Variants in CDH4 observed in about 807,000 individuals in gnomAD.
The protein encoded by CDH4 is cadherin 4, also known as cadherin-4.
A neutral mutation model predicts 86.0 loss-of-function variants in CDH4; 33 were observed. That is an observed-to-expected ratio of 0.38 (90% CI 0.29 to 0.51). The LOEUF is 0.51. Among genes scored for constraint, CDH4 ranks in the 20% least tolerant of loss-of-function variants. The pLI, the probability that CDH4 is intolerant of heterozygous loss-of-function variation, is 0.86. For synonymous variants in CDH4, 555 were observed against 549.4 expected (o/e 1.01, Z -0.14); for missense variants, 1,114 against 1,307.4 (o/e 0.85, Z 2.28).
intron 2 of CDH4, among the ~76,000 whole-genome samples, chr20:61,284,806 A>AG (rs1487637236): frequency 6.6e-6 from 1 of 152,224 alleles, no homozygotes; most frequent in African/African-American, 2.4e-5. Context: ...TTTTTGTCAA[A>AG]GGCCAGATAG....
intron 2 of CDH4, among the ~76,000 whole-genome samples, chr20:61,268,440 C>T (rs956770078): frequency 2.0e-5 from 3 of 152,242 alleles, no homozygotes; most frequent in Admixed American, 6.5e-5. Flanking sequence ...TTCCTGATGC[C>T]GGGTTGGCTT....
At position 61,593,854 on chromosome 20, in the gene CDH4, G is replaced by A. The variant is rs186775213; in HGVS notation, c.170-149709G>A. On this transcript the variant is annotated intron_variant, in intron 2 of 15. Coordinates refer to ENST00000614565, the MANE Select transcript of CDH4 (RefSeq NM_001794.5). ...AGCTGTAACATTCGTTGAGGTGCGT[G>A]CTGCTCACCAAGGGTCCCCCCAGCA... Among the ~76,000 whole-genome samples the A allele has an allele frequency of 2.1e-4, 32 of 151,482 alleles. No individual in the cohort carries two copies. In the East Asian group the frequency reaches 5.2e-3, roughly 24 times the overall value.
intron 4 of CDH4, among the ~76,000 whole-genome samples, chr20:61,821,105 G>A (rs943257462): frequency 4.7e-5 from 6 of 127,466 alleles, no homozygotes; most frequent in African/African-American, 9.1e-5. Flanking sequence ...CCACTGTCCC[G>A]CTCCCTACCC....
intron 2 of CDH4, among the ~76,000 whole-genome samples, chr20:61,445,563 C>T (rs923583749): frequency 5.9e-5 from 9 of 152,112 alleles, no homozygotes; most frequent in Non-Finnish European, 1.5e-5. Context: ...CCTCCTCCCC[C>T]TCTCCCCTCC....
chr20:61,782,636 GAC>G (rs1465319126), intron 4 of CDH4, among the ~76,000 whole-genome samples: 1 of 152,100 alleles, frequency 6.6e-6, no homozygotes, highest in Non-Finnish European at 1.5e-5. Context: ...AACTAAGTAA[GAC>G]AACAGTTGGA....
chr20:61,652,483 G>A (rs1232948144), intron 2 of CDH4, among the ~76,000 whole-genome samples: 1 of 152,172 alleles, frequency 6.6e-6, no homozygotes, highest in African/African-American at 2.4e-5. Context: ...ATGACGGTTG[G>A]CTGAGTTATC....
intron 3 of CDH4, among the ~76,000 whole-genome samples, chr20:61,748,137 C>A (rs1033783403): frequency 3.4e-5 from 5 of 148,092 alleles, no homozygotes; most frequent in Admixed American, 2.7e-4. Context: ...TGAATGATTT[C>A]TTTTCTTTTT....
Position 61,269,883 on chromosome 20 carries a change from G to A in CDH4, c.169+14946G>A, listed in dbSNP as rs1033926175. 6.6e-6 allele frequency among the ~76,000 whole-genome samples: 1 copy of A among 152,174 alleles called. No individual in the cohort carries two copies. On this transcript the variant is annotated intron_variant, in intron 2 of 15. Coordinates refer to ENST00000614565, the MANE Select transcript of CDH4 (RefSeq NM_001794.5). This position sits in a 1 kb window ranked among gnomAD's most constrained non-coding sequence, Gnocchi z 5.3. ...GAGCCAGTGGTACTCATTTCCACAT[G>A]GCCCCGGCTGTTGACGATGACCTTA...
rs1230618032 is a variant in CDH4, at chr20:61,939,693, G to A, written c.*2750G>A. The A allele has an allele frequency of 6.6e-6, 1 of 152,318 alleles. No individual in the cohort carries two copies. The allele number at this position is 152,318 out of a possible 1,614,324, so 9.4% of individuals were successfully genotyped here. A position where few individuals can be genotyped will look rare whatever the true frequency, so the allele number is the denominator to read the frequency against. On this transcript the variant is annotated 3_prime_UTR_variant, in exon 16 of 16. Transcript: ENST00000614565. ...TCCCACTGGAGGCCGGGAGGCCAAT[G>A]CTGGCCAGGTGCGAGGGCATGGTTT...
chr20:61,271,685 T>C (rs1185816305), intron 2 of CDH4, among the ~76,000 whole-genome samples: 1 of 152,202 alleles, frequency 6.6e-6, no homozygotes, highest in Non-Finnish European at 1.5e-5. Flanking sequence ...CATCAGAATT[T>C]GATTTTTCCA....
intron 2 of CDH4, among the ~76,000 whole-genome samples, chr20:61,432,810 C>G (rs1364527565): frequency 6.8e-6 from 1 of 146,654 alleles, no homozygotes; most frequent in Non-Finnish European, 1.5e-5. Context: ...TGTACCCTTT[C>G]TAGTTCTACA....
At chr20:61,412,234 A>T (rs2085123592) in intron 2 of CDH4, among the ~76,000 whole-genome samples, 1 of 152,184 alleles carries the variant, frequency 6.6e-6, no homozygotes, top group Non-Finnish European at 1.5e-5. Context: ...TCTAGCAAGA[A>T]ACTCTGGGTC....
rs1437676051 is a variant in CDH4, at chr20:61,252,337, C to G, written c.-177C>G. The G allele has an allele frequency of 2.5e-5, 4 of 160,098 alleles. No individual in the cohort carries two copies. Among genetic ancestry groups the G allele is most frequent in the Non-Finnish European group, 5.1e-5 (4 of 78,188 alleles). 9.9% of individuals were successfully genotyped at this position (160,098 alleles called of 1,614,324 possible). The stretch of plus-strand genomic sequence containing the variant: ...GCCGCCGGCCGGACTTGGCCTGGCT[C>G]CCGGAGCCGGGGCGGCGAGCGCGGC... On this transcript the variant is annotated 5_prime_UTR_variant, in exon 1 of 16. Transcript: ENST00000614565. The surrounding 1 kb of genome is among the most constrained non-coding windows in gnomAD (Gnocchi z 4.4).
chr20:61,604,199 C>T (rs918336923), intron 2 of CDH4, among the ~76,000 whole-genome samples: 1 of 152,174 alleles, frequency 6.6e-6, no homozygotes, highest in Non-Finnish European at 1.5e-5. Context: ...TATTTTTAGG[C>T]CCTGGAGGAA....
At chr20:61,299,016 A>G (rs984298158) in intron 2 of CDH4, among the ~76,000 whole-genome samples, 4 of 152,140 alleles carry the variant, frequency 2.6e-5, no homozygotes, top group Non-Finnish European at 4.4e-5. Flanking sequence ...GAATCTCCCA[A>G]AATGCCTTTT....
intron 2 of CDH4, among the ~76,000 whole-genome samples, chr20:61,725,012 T>C (rs2081526098): frequency 6.6e-6 from 1 of 152,154 alleles, no homozygotes; most frequent in Admixed American, 6.5e-5. Context: ...CATAGGAGGC[T>C]GAGGCAGGAG....
At chr20:61,679,382 T>A (rs1481184446) in intron 2 of CDH4, among the ~76,000 whole-genome samples, 1 of 151,770 alleles carries the variant, frequency 6.6e-6, no homozygotes, top group Non-Finnish European at 1.5e-5. Flanking sequence ...GGCCTGGAGG[T>A]GAGGGGTGGG....
At chr20:61,692,572 G>A (rs760920480) in intron 2 of CDH4, among the ~76,000 whole-genome samples, 8 of 152,172 alleles carry the variant, frequency 5.3e-5, no homozygotes, top group Admixed American at 1.3e-4. Context: ...TTTGTGCCAC[G>A]TTTCCTAATA....
intron 2 of CDH4, among the ~76,000 whole-genome samples, chr20:61,654,265 A>T (rs2087162688): frequency 6.6e-6 from 1 of 152,196 alleles, no homozygotes; most frequent in African/African-American, 2.4e-5. Context: ...TCCACCAAAA[A>T]AACATGAAAA....
Sources: gnomAD v4.1 joint callset for allele counts (sites outside exome capture counted in the v4.1 genomes callset) on GRCh38, gnomAD v4.1.1 for gene constraint, Gnocchi (gnomAD v3.1) non-coding constraint, MANE v1.5 for transcripts, NCBI Gene and HGNC (gene_info 2026-07-23, HGNC 2026-07-21) for gene names.